Variants in CNR2 observed in about 807,000 individuals in gnomAD.
CNR2 encodes the protein cannabinoid receptor 2 (macrophage).
For synonymous variants in CNR2, 172 were observed against 182.2 expected, an observed-to-expected ratio of 0.94 and a Z score of 0.45; for missense variants, 379 against 439.9, an observed-to-expected ratio of 0.86 and a Z score of 1.24.
chr1:23,893,310 C>T (rs2501400), intron 1 of CNR2, among the ~76,000 whole-genome samples: 124,316 of 152,078 alleles, frequency 0.82, 50,922 homozygotes, highest in Admixed American at 0.84. Flanking sequence ...TCTGAGGCCT[C>T]TTTCCACTTT....
Position 23,875,238 on chromosome 1 carries a change from G to T in CNR2, c.380C>A (p.Thr127Asn), listed in dbSNP as rs2148456010. Residue 127 changes from threonine to asparagine, a missense_variant, in exon 2 of 2, where the codon ACC (threonine) becomes AAC (asparagine). Physicochemically the swap from Thr to Asn is moderately conservative, Grantham distance 65. Coordinates refer to ENST00000374472, the MANE Select transcript of CNR2 (RefSeq NM_001841.3). ...FTASVGSLLL[T>N]AIDRYLCLRY... ...CAGGCAGAGGTATCGGTCAATGGCG[G>T]TCAGCAGGAGGCTACCCACAGAGGC... 6.2e-7 allele frequency: 1 copy of T among 1,614,206 alleles called. No homozygotes were observed. The highest frequency in any genetic ancestry group is 2.2e-5 in the East Asian group (1 of 44,888).
chr1:23,884,514 C>T, intron 1 of CNR2, among the ~76,000 whole-genome samples: 1 of 151,198 alleles, frequency 6.6e-6, no homozygotes, highest in Non-Finnish European at 1.5e-5. Context: ...CCATGTTGGC[C>T]AGGCTGGTAT....
At chr1:23,902,066 C>T in intron 1 of CNR2, 3 of 1,545,524 alleles carry the variant, frequency 1.9e-6, no homozygotes, top group Non-Finnish European at 2.7e-6. Flanking sequence ...GCAAACTCCT[C>T]TAGGGTCATG....
intron 1 of CNR2, among the ~76,000 whole-genome samples, chr1:23,897,476 A>G (rs1425076918): frequency 1.1e-5 from 1 of 89,462 alleles, no homozygotes; most frequent in Admixed American, 1.4e-4. Flanking sequence ...TTGCATGTTA[A>G]TAGAATTTTT....
At chr1:23,894,110 C>A (rs1570714087) in intron 1 of CNR2, among the ~76,000 whole-genome samples, 1 of 116,260 alleles carries the variant, frequency 8.6e-6, no homozygotes, top group African/African-American at 3.4e-5. Flanking sequence ...ACAGAGCAGA[C>A]CCTGTCTCAA....
rs569995159 is a variant in CNR2, at chr1:23,913,162, A to AAAAC, written c.-46+80_-46+83dup. 7 of 174,608 alleles carry AAAAC rather than the reference A, an allele frequency of 4.0e-5. No homozygotes were observed. The South Asian group carries it at 5.1e-4, about 13-fold the overall frequency. The allele number at this position is 174,608 out of a possible 1,614,324, so 10.8% of individuals were successfully genotyped here. On this transcript the variant is annotated intron_variant, in intron 1 of 1. Transcript: ENST00000374472. ...GTCAACAGAGCAAAACTCCGTCTCA[A>AAAAC]AAACAAACAAACAAACAAAAAAGAA...
At chr1:23,887,853 AG>A (rs1640117540) in intron 1 of CNR2, among the ~76,000 whole-genome samples, 1 of 48,032 alleles carries the variant, frequency 2.1e-5, no homozygotes, top group South Asian at 7.0e-4. Flanking sequence ...CCGAAGTTAA[AG>A]TTAAAAAAAA....
At chr1:23,900,094 A>G (rs28811678) in intron 1 of CNR2, among the ~76,000 whole-genome samples, 148,429 of 151,348 alleles carry the variant, frequency 0.98, 72,850 homozygotes, top group East Asian at 1. Context: ...GATACTTTGC[A>G]GACCCTGCAC....
rs1442272482 is a variant in CNR2 at position 23,874,915 on chromosome 1, C to T, written c.703G>A (p.Ala235Thr). ...AACCTCACATCCAGCCTCATTCGGG[C>T]CATTCCTGGCACCTGCCTGTCCTGG... ...GHQDRQVPGM[A>T]RMRLDVRLAK... is the part of the protein sequence containing the mutation. The change falls in exon 2 of 2, where the codon GCC (alanine) becomes ACC (threonine). Residue 235 changes from alanine (A) to threonine (T), a missense_variant. By Grantham distance (58) the Ala-to-Thr change is moderately conservative. Coordinates refer to ENST00000374472, the MANE Select transcript of CNR2 (RefSeq NM_001841.3). 1.2e-6 allele frequency: 2 copies of T among 1,613,622 alleles called. No homozygotes were observed. The highest frequency in any genetic ancestry group is 1.1e-5 in the South Asian group (1 of 91,010).
intron 1 of CNR2, among the ~76,000 whole-genome samples, chr1:23,890,756 AAAAG>A (rs1640176424): frequency 6.6e-6 from 1 of 151,576 alleles, no homozygotes; most frequent in African/African-American, 2.4e-5. Context: ...AAAAAAAAAA[AAAAG>A]AAATAGATCA....
At chr1:23,884,917 C>T (rs933190535) in intron 1 of CNR2, among the ~76,000 whole-genome samples, 9 of 152,260 alleles carry the variant, frequency 5.9e-5, no homozygotes, top group African/African-American at 2.2e-4. Flanking sequence ...TCTCCGGCCT[C>T]AGCCTCCCGA....
intron 1 of CNR2, among the ~76,000 whole-genome samples, chr1:23,910,765 C>T (rs966818092): frequency 8.6e-5 from 13 of 150,826 alleles, no homozygotes; most frequent in African/African-American, 3.2e-4. Flanking sequence ...GCTATGATAG[C>T]GTCATTTTTA....
intron 1 of CNR2, among the ~76,000 whole-genome samples, chr1:23,887,902 C>T (rs977748077): frequency 1.3e-5 from 2 of 152,116 alleles, no homozygotes; most frequent in African/African-American, 4.8e-5. Context: ...TTAACCATAT[C>T]TACCCTCCAC....
chr1:23,895,211 A>T (rs973516597), intron 1 of CNR2, among the ~76,000 whole-genome samples: 2 of 152,030 alleles, frequency 1.3e-5, no homozygotes, highest in Non-Finnish European at 2.9e-5. Flanking sequence ...ACAGAGCAAA[A>T]CTCAGAAAAA....
chr1:23,877,034 G>A (rs78071999), intron 1 of CNR2, among the ~76,000 whole-genome samples: 2,241 of 152,186 alleles, frequency 0.015, 48 homozygotes, highest in African/African-American at 0.052. Context: ...ATAAAGGCCC[G>A]TGAAATTTGA....
chr1:23,901,415 G>A lies in CNR2; in HGVS notation c.-46+11831C>T. On this transcript the variant is annotated intron_variant, in intron 1 of 1. Coordinates refer to ENST00000374472, the MANE Select transcript of CNR2 (RefSeq NM_001841.3). ...CTTTCATGGTGTCAAGAAGCAGTTA[G>A]TGTCCTGATTTCCCCTCCATCCACT... 2.1e-6 allele frequency: 3 copies of A among 1,422,348 alleles called. No individual in the cohort carries two copies. The African/African-American group carries it at 4.3e-5, about 20-fold the overall frequency. The allele number at this position is 1,422,348 out of a possible 1,614,324, so 88.1% of individuals were successfully genotyped here.
In CNR2 at chr1:23,870,700, T is replaced by A. The variant is rs1408475405; in HGVS notation, c.*3835A>T. 6.6e-6 allele frequency: 1 copy of A among 152,192 alleles called. No individual in the cohort carries two copies. The highest frequency in any genetic ancestry group is 2.4e-5 in the African/African-American group (1 of 41,432). 9.4% of individuals were successfully genotyped at this position (152,192 alleles called of 1,614,324 possible). A position where few individuals can be genotyped will look rare whatever the true frequency, so the allele number is the denominator to read the frequency against. On this transcript the variant is annotated 3_prime_UTR_variant, in exon 2 of 2. Transcript: ENST00000374472. ...GAACTGGAAGTTAGGAAACCTAGGT[T>A]TGTTGCACTGGACACCATCTCGTTT...
intron 1 of CNR2, among the ~76,000 whole-genome samples, chr1:23,900,260 CCAAA>C (rs1370427974): frequency 2.0e-5 from 3 of 152,122 alleles, no homozygotes; most frequent in Non-Finnish European, 2.9e-5. Flanking sequence ...CTCCCCGCAA[CCAAA>C]CAAACTGTCC....
At chr1:23,902,144 GC>G in intron 1 of CNR2, 1 of 1,416,350 alleles carries the variant, frequency 7.1e-7, no homozygotes, top group Non-Finnish European at 1.0e-6. Flanking sequence ...GTGACTGGCA[GC>G]CCCTGCCTCT....
Sources: gnomAD v4.1 joint callset for allele counts (sites outside exome capture counted in the v4.1 genomes callset) on GRCh38, gnomAD v4.1.1 for gene constraint, MANE v1.5 for transcripts, NCBI Gene and HGNC (gene_info 2026-07-23, HGNC 2026-07-21) for gene names.